The following RARB variants were observed in gnomAD, a reference collection of about 807,000 sequenced individuals.
RARB encodes HBV-activated protein.
In RARB, 17 loss-of-function variants were observed where a neutral mutation model predicts 51.9. That is an observed-to-expected ratio of 0.33 (90% confidence interval 0.22 to 0.49). The LOEUF (loss-of-function observed/expected upper bound fraction) is 0.49, where lower values mean the gene tolerates loss of function less well. Among genes scored for constraint, RARB ranks in the 20% least tolerant of loss-of-function variants. The pLI is 0.99. For missense variants in RARB, 369 were observed against 550.8 expected (o/e 0.67, Z 3.30); for synonymous variants, 215 against 195.4 (o/e 1.10, Z -0.84).
At chr3:25,469,505 T>C (rs1224371540) in intron 2 of RARB, among the ~76,000 whole-genome samples, 1 of 152,234 alleles carries the variant, frequency 6.6e-6, no homozygotes, top group African/African-American at 2.4e-5. Flanking sequence ...CACTCTGTGA[T>C]AGCTGAATGA....
chr3:25,338,914 C>T (rs908216944), intron 5 of RARB, among the ~76,000 whole-genome samples: 2 of 152,064 alleles, frequency 1.3e-5, no homozygotes, highest in Non-Finnish European at 2.9e-5. Context: ...CAGCAGGGGG[C>T]CTTCAAAATC....
chr3:25,363,505 A>G (rs191819211), intron 5 of RARB, among the ~76,000 whole-genome samples: 1 of 152,242 alleles, frequency 6.6e-6, no homozygotes, highest in African/African-American at 2.4e-5. Flanking sequence ...GCCACTTGAC[A>G]TCATTCTTGT....
rs376866839 is a variant in RARB, at chr3:25,428,429, G to A, written c.-303G>A. 1 of 1,270,746 alleles carries A rather than the reference G, an allele frequency of 7.9e-7. No homozygotes were observed. Among genetic ancestry groups the A allele is most frequent in the Non-Finnish European group, 9.9e-7 (1 of 1,010,318 alleles). 78.7% of individuals were successfully genotyped at this position (1,270,746 alleles called of 1,614,324 possible). ...GCACCGTCGGGGTAGGATCCGGAAC[G>A]CATTCGGAAGGCTTTTTGCAAGCAT... On this transcript the variant is annotated 5_prime_UTR_variant, in exon 1 of 8. Transcript: ENST00000330688.
At chr3:25,002,581 C>T (rs913544164) in intron 2 of RARB, among the ~76,000 whole-genome samples, 13 of 151,988 alleles carry the variant, frequency 8.6e-5, no homozygotes, top group South Asian at 2.1e-4. Flanking sequence ...AATAGAGTTG[C>T]GTAATGTTTT....
At chr3:24,940,227 T>G (rs1429507124) in intron 2 of RARB, among the ~76,000 whole-genome samples, 3 of 152,126 alleles carry the variant, frequency 2.0e-5, no homozygotes, top group African/African-American at 7.2e-5. Flanking sequence ...AAAAGGAGTT[T>G]CATTTAACAA....
chr3:25,549,313 G>A (rs1196640440), intron 3 of RARB, among the ~76,000 whole-genome samples: 1 of 152,080 alleles, frequency 6.6e-6, no homozygotes, highest in East Asian at 1.9e-4. Flanking sequence ...GATGAACCTG[G>A]CAGAGTGAGA....
intron 4 of RARB, among the ~76,000 whole-genome samples, chr3:25,574,052 G>C (rs1297938453): frequency 1.3e-5 from 2 of 152,186 alleles, no homozygotes; most frequent in African/African-American, 4.8e-5. Context: ...AGAGAGGGTG[G>C]ATTCCCTGTG....
chr3:25,042,833 C>A (rs1322622272), intron 2 of RARB, among the ~76,000 whole-genome samples: 5 of 152,048 alleles, frequency 3.3e-5, no homozygotes. Context: ...AACTTGGTAC[C>A]CCTTGACCAA....
intron 3 of RARB, chr3:25,555,419 T>A (rs556775358): frequency 6.6e-6 from 1 of 152,214 alleles, no homozygotes; most frequent in African/African-American, 2.4e-5. Flanking sequence ...TTGTTTATCA[T>A]CTGCCTCCCC....
chr3:24,894,130 T>C lies in RARB; in HGVS notation c.-380+35378T>C, dbSNP rs564491463. Among the ~76,000 whole-genome samples, 7 of 152,308 alleles carry C rather than the reference T, an allele frequency of 4.6e-5. No homozygotes were observed. In the South Asian group the frequency reaches 1.0e-3, roughly 23 times the overall value. On this transcript the variant is annotated intron_variant, in intron 2 of 11. Transcript: ENST00000383772. The stretch of plus-strand genomic sequence containing the variant: ...GTTTTATTTTTTATAATTTCGACTT[T>C]TCTCACAGATTAAAGGATACATGTG...
At position 25,456,600 on chromosome 3, in the gene RARB, T is replaced by C. The variant is rs376496130; in HGVS notation, c.158-4593T>C. Among the ~76,000 whole-genome samples the C allele has an allele frequency of 5.4e-5, 7 of 130,798 alleles. No individual in the cohort carries two copies. The East Asian group carries it at 1.6e-3, about 29-fold the overall frequency. The allele number at this position is 130,798 out of a possible 152,430, so 85.8% of individuals were successfully genotyped here. ...TTTTTGCCTTGCATTGTTCTCAGTGTTATAGGCCACATAGAGGAAATAAAA... is the reference window on the plus strand; with the variant it reads ...TTTTTGCCTTGCATTGTTCTCAGTGCTATAGGCCACATAGAGGAAATAAAA... On this transcript the variant is annotated intron_variant, in intron 1 of 7. Coordinates refer to ENST00000330688, the MANE Select transcript of RARB (RefSeq NM_000965.5).
intron 5 of RARB, among the ~76,000 whole-genome samples, chr3:25,262,681 G>A (rs114532431): frequency 0.011 from 1,672 of 152,224 alleles, 32 homozygotes; most frequent in African/African-American, 0.038. Context: ...GAAGACGCTT[G>A]TGTTTACCTT....
intron 5 of RARB, among the ~76,000 whole-genome samples, chr3:25,407,668 A>C (rs1032831865): frequency 6.6e-6 from 1 of 152,158 alleles, no homozygotes; most frequent in African/African-American, 2.4e-5. Context: ...ATTGCAGATA[A>C]CTGTCAGAGT....
intron 2 of RARB, among the ~76,000 whole-genome samples, chr3:24,941,082 T>C (rs1575082407): frequency 6.6e-6 from 1 of 151,344 alleles, no homozygotes; most frequent in African/African-American, 2.4e-5. Flanking sequence ...TTTATTGTTA[T>C]TGCTGATACT....
At chr3:25,148,939 T>TCC (rs1700238070) in intron 4 of RARB, among the ~76,000 whole-genome samples, 1 of 90,442 alleles carries the variant, frequency 1.1e-5, no homozygotes, top group Non-Finnish European at 2.5e-5. Flanking sequence ...CTTCAAACAT[T>TCC]CCTCTCTCTG....
At chr3:25,282,451 C>A (rs1485711631) in intron 5 of RARB, among the ~76,000 whole-genome samples, 1 of 151,904 alleles carries the variant, frequency 6.6e-6, no homozygotes, top group African/African-American at 2.4e-5. Flanking sequence ...CTTTTGATGC[C>A]CCTTATACTT....
At chr3:25,461,476 G>C (rs1371733990) in intron 2 of RARB, 135 bp downstream of exon 2, 1 of 1,071,706 alleles carries the variant, frequency 9.3e-7, no homozygotes, top group South Asian at 1.9e-5. Flanking sequence ...GTTATATTCA[G>C]TGGTTTTTAT....
At chr3:25,459,970 T>C (rs755698580) in intron 1 of RARB, among the ~76,000 whole-genome samples, 3 of 152,210 alleles carry the variant, frequency 2.0e-5, no homozygotes, top group Non-Finnish European at 2.9e-5. Flanking sequence ...CCTGGAGAAT[T>C]AGGGGTAGGA....
In RARB at chr3:24,901,253, G is replaced by A. The variant is rs115784768; in HGVS notation, c.-380+42501G>A. Among the ~76,000 whole-genome samples the A allele has an allele frequency of 6.4e-3, 981 of 152,268 alleles. 11 individuals carry two copies. The highest frequency in any genetic ancestry group is 0.022 in the African/African-American group (914 of 41,534). ...ACTGCAATTGTCAATGAATGATTGGGTATTTAAAGGAACCCAGGAGTATTA... is the reference window on the plus strand; with the variant it reads ...ACTGCAATTGTCAATGAATGATTGGATATTTAAAGGAACCCAGGAGTATTA... On this transcript the variant is annotated intron_variant, in intron 2 of 11. Coordinates refer to the RARB transcript ENST00000383772.
Sources: gnomAD v4.1 joint callset for allele counts (sites outside exome capture counted in the v4.1 genomes callset) on GRCh38, gnomAD v4.1.1 for gene constraint, MANE v1.5 for transcripts, NCBI Gene and HGNC (gene_info 2026-07-23, HGNC 2026-07-21) for gene names.